Variants in CSMD3 observed in about 807,000 individuals in gnomAD.
The protein encoded by CSMD3 is CUB and sushi domain-containing protein 3.
Under a neutral mutation model 435.2 loss-of-function variants are expected in CSMD3, and 177 were observed. The ratio of observed to expected loss-of-function variants is 0.41; its 90% confidence interval spans 0.36 to 0.46. The LOEUF is 0.46. Among genes scored for constraint, CSMD3 ranks in the 20% least tolerant of loss-of-function variants. CSMD3 has a pLI of 0.34. For missense variants in CSMD3, 4,265 were observed against 4,504.6 expected (o/e 0.95, Z 1.52); for synonymous variants, 1,656 against 1,520.5 (o/e 1.09, Z -2.07).
At chr8:113,036,514 A>G (rs1025202588) in intron 5 of CSMD3, among the ~76,000 whole-genome samples, 3 of 151,988 alleles carry the variant, frequency 2.0e-5, no homozygotes, top group African/African-American at 7.2e-5. Context: ...AATACCACAT[A>G]TAATTACCTT....
At chr8:112,969,552 T>G (rs905155846) in intron 7 of CSMD3, among the ~76,000 whole-genome samples, 1 of 152,002 alleles carries the variant, frequency 6.6e-6, no homozygotes, top group Non-Finnish European at 1.5e-5. Flanking sequence ...TTGACTATAC[T>G]AGGTCAAAAT....
chr8:113,129,927 A>C (rs1208488216), intron 4 of CSMD3, among the ~76,000 whole-genome samples: 1 of 151,934 alleles, frequency 6.6e-6, no homozygotes, highest in Non-Finnish European at 1.5e-5. Context: ...TTTTTATTTT[A>C]CTTATATATG....
At chr8:113,285,184 G>GT (rs1397489256) in intron 2 of CSMD3, among the ~76,000 whole-genome samples, 1 of 151,694 alleles carries the variant, frequency 6.6e-6, no homozygotes, top group Non-Finnish European at 1.5e-5. Flanking sequence ...GTTGTGGGTG[G>GT]TAAGAATTAT....
intron 3 of CSMD3, among the ~76,000 whole-genome samples, chr8:113,249,096 T>G (rs574041061): frequency 1.3e-5 from 2 of 151,976 alleles, no homozygotes; most frequent in South Asian, 2.1e-4. Context: ...TCTCACAAGA[T>G]CTAATGGTCT....
chr8:113,214,223 T>G (rs1004679932), intron 3 of CSMD3, among the ~76,000 whole-genome samples: 1 of 152,038 alleles, frequency 6.6e-6, no homozygotes, highest in South Asian at 2.1e-4. Context: ...TTTATTTTTA[T>G]GTTATTTTGT....
intron 4 of CSMD3, among the ~76,000 whole-genome samples, chr8:113,163,107 A>G (rs986854199): frequency 1.3e-5 from 2 of 152,096 alleles, no homozygotes; most frequent in Non-Finnish European, 2.9e-5. Context: ...ATATAATAAA[A>G]CTATGTTATC....
At chr8:113,402,151 G>T (rs10107745) in intron 1 of CSMD3, among the ~76,000 whole-genome samples, 1 of 151,084 alleles carries the variant, frequency 6.6e-6, no homozygotes, top group East Asian at 1.9e-4. Flanking sequence ...CATCTTTTGA[G>T]TCACTATCTT....
At chr8:113,075,282 TAA>T (rs774103696) in intron 5 of CSMD3, among the ~76,000 whole-genome samples, 25 of 152,008 alleles carry the variant, frequency 1.6e-4, no homozygotes, top group Middle Eastern at 3.4e-3. Context: ...TTTCTCTGTA[TAA>T]GTCTTTTCAA....
At chr8:112,427,127 G>T (rs973027696) in intron 32 of CSMD3, among the ~76,000 whole-genome samples, 1 of 152,130 alleles carries the variant, frequency 6.6e-6, no homozygotes, top group Non-Finnish European at 1.5e-5. Context: ...GTGATTGATG[G>T]CTTCCTGTCT....
At chr8:113,011,376 T>C (rs2086249360) in intron 6 of CSMD3, among the ~76,000 whole-genome samples, 1 of 151,798 alleles carries the variant, frequency 6.6e-6, no homozygotes, top group Non-Finnish European at 1.5e-5. Context: ...GTGTTTCCAA[T>C]GTAGAATAGT....
At chr8:112,861,124 ATC>A (rs1393593989) in intron 10 of CSMD3, among the ~76,000 whole-genome samples, 3 of 151,828 alleles carry the variant, frequency 2.0e-5, no homozygotes, top group East Asian at 1.9e-4. Flanking sequence ...CTGTGGAAAC[ATC>A]TCTGTTTTGC....
chr8:113,096,747 C>T (rs977204705), intron 5 of CSMD3, among the ~76,000 whole-genome samples: 1 of 152,000 alleles, frequency 6.6e-6, no homozygotes, highest in Non-Finnish European at 1.5e-5. Context: ...GGTGTTTCTA[C>T]AACACAATAA....
chr8:112,506,988 A>G (rs967296838), intron 28 of CSMD3, among the ~76,000 whole-genome samples, 159 bp from the exon 29 acceptor site: 1 of 152,178 alleles, frequency 6.6e-6, no homozygotes, highest in Non-Finnish European at 1.5e-5. Flanking sequence ...TGTTTCAAGA[A>G]AGACCATTAA....
intron 5 of CSMD3, among the ~76,000 whole-genome samples, chr8:113,040,245 G>A (rs2087549204): frequency 6.6e-6 from 1 of 152,224 alleles, no homozygotes; most frequent in Admixed American, 6.5e-5. Context: ...GTCCAAGAAA[G>A]ACAGTGGTTA....
At chr8:112,632,734 T>C (rs371903910) in intron 22 of CSMD3, among the ~76,000 whole-genome samples, 1 of 152,068 alleles carries the variant, frequency 6.6e-6, no homozygotes, top group East Asian at 1.9e-4. Context: ...AAAGAAATCA[T>C]GTACTTATAT....
chr8:112,341,711 C>G (rs572138661), intron 41 of CSMD3, 25 bp from the exon 42 acceptor site: 1 of 1,402,602 alleles, frequency 7.1e-7, no homozygotes. Context: ...AAACAGAATG[C>G]TACTTTATTT....
chr8:113,001,419 C>A (rs963366933), intron 6 of CSMD3, among the ~76,000 whole-genome samples: 1 of 151,982 alleles, frequency 6.6e-6, no homozygotes, highest in African/African-American at 2.4e-5. Flanking sequence ...TTGTTTATTC[C>A]GATTAGCCTC....
In CSMD3 at chr8:112,979,304, A is replaced by C. The variant is rs150536446; in HGVS notation, c.1031-3156T>G. On this transcript the variant is annotated intron_variant, in intron 6 of 70. Transcript: ENST00000297405. Reference sequence around the variant, plus strand: ...GATACATATAGTGGAACTATAAAGAAATAACACTGATTTCCTTTTTAAGGT... The same window carrying C: ...GATACATATAGTGGAACTATAAAGACATAACACTGATTTCCTTTTTAAGGT... 4.7e-4 allele frequency among the ~76,000 whole-genome samples: 71 copies of C among 151,910 alleles called. No individual in the cohort carries two copies. In the East Asian group the frequency reaches 0.011, roughly 24 times the overall value.
intron 1 of CSMD3, among the ~76,000 whole-genome samples, chr8:113,416,082 G>A (rs1222911229): frequency 1.3e-5 from 2 of 151,870 alleles, no homozygotes; most frequent in African/African-American, 4.8e-5. Flanking sequence ...TCTTTTCTAT[G>A]TCCTTAGCAT....
Sources: gnomAD v4.1 joint callset for allele counts (sites outside exome capture counted in the v4.1 genomes callset) on GRCh38, gnomAD v4.1.1 for gene constraint, MANE v1.5 for transcripts, NCBI Gene and HGNC (gene_info 2026-07-23, HGNC 2026-07-21) for gene names.